DHX57: variants seen among roughly 807,000 people sequenced by gnomAD.
DHX57 encodes the protein putative ATP-dependent RNA helicase DHX57.
In DHX57, 105 loss-of-function variants were observed where a neutral mutation model predicts 156.2. That is an observed-to-expected ratio of 0.67 (90% CI 0.57 to 0.79). DHX57 has a LOEUF of 0.79. Among genes scored for constraint, DHX57 ranks in the 30% least tolerant of loss-of-function variants. The pLI is 0.00. For synonymous variants in DHX57, 704 were observed against 595.6 expected, an observed-to-expected ratio of 1.18 and a Z score of -2.65; for missense variants, 1,847 against 1,661.9, an observed-to-expected ratio of 1.11 and a Z score of -1.94.
At chr2:38,838,219 C>T (rs1352983108) in intron 12 of DHX57, among the ~76,000 whole-genome samples, 1 of 152,178 alleles carries the variant, frequency 6.6e-6, no homozygotes, top group African/African-American at 2.4e-5. Context: ...CGATCTCAGC[C>T]TCCTGAGAGG....
chr2:38,832,433 T>A (rs1671430066), intron 13 of DHX57, among the ~76,000 whole-genome samples: 2 of 151,510 alleles, frequency 1.3e-5, no homozygotes, highest in Admixed American at 6.6e-5. Flanking sequence ...AGAGACTCTG[T>A]CTCAAAAAAA....
chr2:38,807,329 C>T (rs1669996392), intron 21 of DHX57, among the ~76,000 whole-genome samples: 1 of 152,012 alleles, frequency 6.6e-6, no homozygotes, highest in East Asian at 1.9e-4. Context: ...TGCTGGATTA[C>T]AGGCGTGAGC....
At chr2:38,830,993 A>C (rs1671350050) in intron 13 of DHX57, among the ~76,000 whole-genome samples, 1 of 152,096 alleles carries the variant, frequency 6.6e-6, no homozygotes, top group Admixed American at 6.6e-5. Context: ...TGCTTAAGCC[A>C]GGAAGTTGGG....
chr2:38,838,912 G>A (rs1671831088), intron 12 of DHX57: 1 of 283,500 alleles, frequency 3.5e-6, no homozygotes, highest in Non-Finnish European at 7.0e-6. Flanking sequence ...TGTACTACAA[G>A]CCTCGGCTCT....
intron 1 of DHX57, among the ~76,000 whole-genome samples, chr2:38,870,313 A>G (rs1258820157): frequency 1.3e-5 from 2 of 152,254 alleles, no homozygotes; most frequent in African/African-American, 2.4e-5. Context: ...AAATAATGGT[A>G]GAAAACTTCT....
intron 16 of DHX57, among the ~76,000 whole-genome samples, chr2:38,825,396 G>A (rs771707522): frequency 6.6e-6 from 1 of 152,126 alleles, no homozygotes; most frequent in African/African-American, 2.4e-5. Context: ...TCTGCCTCCT[G>A]GGTTCAAGAG....
intron 16 of DHX57, among the ~76,000 whole-genome samples, chr2:38,825,577 A>AT (rs1457787046): frequency 1.3e-5 from 2 of 152,212 alleles, no homozygotes; most frequent in Admixed American, 1.3e-4. Flanking sequence ...TGCTGGGATT[A>AT]TAAGCATGAG....
At chr2:38,840,565 G>GT (rs967243751) in intron 12 of DHX57, among the ~76,000 whole-genome samples, 2 of 118,272 alleles carry the variant, frequency 1.7e-5, no homozygotes, top group Non-Finnish European at 3.7e-5. Flanking sequence ...AAGGACTTTT[G>GT]TTTTTTTTAA....
chr2:38,803,615 G>A (rs1451917554), intron 22 of DHX57, among the ~76,000 whole-genome samples: 1 of 151,400 alleles, frequency 6.6e-6, no homozygotes, highest in Non-Finnish European at 1.5e-5. Flanking sequence ...AGCCTCCCAA[G>A]TAGCTGGGAT....
At position 38,848,276 on chromosome 2, in the gene DHX57, AG is replaced by A. The variant is rs1672393498; in HGVS notation, c.2156del (p.Thr719IlefsTer20). 1 of 1,594,564 alleles carries A rather than the reference AG, an allele frequency of 6.3e-7. No homozygotes were observed. The highest frequency in any genetic ancestry group is 8.5e-7 in the Non-Finnish European group (1 of 1,173,962). On this transcript the variant is annotated frameshift_variant, in exon 10 of 24. Transcript: ENST00000457308. LOFTEE classifies it high-confidence loss of function. The stretch of plus-strand genomic sequence containing the variant: ...ATGATGCATTTTATTCACCTGGTAT[AG>A]TAATAACGGGGCAGGAATTAAAATA... Reference protein sequence around the residue: ...SDYFNSCPVITIPGRTFPVDQ... With the variant: ...SDYFNSCPVIXIPGRTFPVDQ...
Position 38,837,917 on chromosome 2 carries a change from G to A in DHX57, c.2456C>T (p.Ser819Phe), listed in dbSNP as rs1671767427. The A allele has an allele frequency of 6.2e-7, 1 of 1,613,414 alleles. No individual in the cohort carries two copies. Among genetic ancestry groups the A allele is most frequent in the South Asian group, 1.1e-5 (1 of 91,054 alleles). ...GVSKSVIKTM[S>F]IMDFEKVNLE... Reference sequence around the variant, plus strand: ...ATTCACCTTTTCAAAATCCATGATGGACATTGTTTTGATGACTGACTTGCT... The same window carrying A: ...ATTCACCTTTTCAAAATCCATGATGAACATTGTTTTGATGACTGACTTGCT... Residue 819 changes from serine (S) to phenylalanine (F), a missense_variant, in exon 13 of 24, where the codon TCC becomes TTC. Transcript: ENST00000457308.
intron 16 of DHX57, 29 bp downstream of exon 16, chr2:38,825,818 G>A (rs1293571502): frequency 5.6e-6 from 9 of 1,610,252 alleles, no homozygotes; most frequent in Admixed American, 1.7e-5. Flanking sequence ...AGACCTTTTG[G>A]AAGCAAAACA....
chr2:38,821,890 A>G (rs1670833825), intron 17 of DHX57, among the ~76,000 whole-genome samples: 1 of 152,326 alleles, frequency 6.6e-6, no homozygotes, highest in African/African-American at 2.4e-5. Context: ...AATAAATTAG[A>G]TAAGTTAGAC....
intron 21 of DHX57, among the ~76,000 whole-genome samples, chr2:38,806,994 G>A (rs960379383): frequency 5.9e-5 from 9 of 151,466 alleles, no homozygotes; most frequent in African/African-American, 2.2e-4. Context: ...ATCAGGTGCA[G>A]TGACCCAGCT....
At chr2:38,847,909 C>T (rs1453694940) in intron 10 of DHX57, among the ~76,000 whole-genome samples, 3 of 152,034 alleles carry the variant, frequency 2.0e-5, no homozygotes, top group Non-Finnish European at 1.5e-5. Flanking sequence ...CAGTGAAACC[C>T]CGTCTCTACT....
At chr2:38,854,984 C>G (rs1558396496) in intron 8 of DHX57, 73 bp downstream of exon 8, 11 of 1,553,472 alleles carry the variant, frequency 7.1e-6, no homozygotes, top group African/African-American at 1.4e-5. Flanking sequence ...CCATGAATCT[C>G]CTAACCCCCA....
Position 38,843,165 on chromosome 2 carries a change from C to T in DHX57, c.2265G>A (p.Gln755=), listed in dbSNP as rs543662055. 1.2e-6 allele frequency: 2 copies of T among 1,614,174 alleles called. No homozygotes were observed. The highest frequency in any genetic ancestry group is 2.7e-5 in the African/African-American group (2 of 75,056). The change falls in exon 12 of 24, where the codon CAG becomes CAA. Residue 755 remains glutamine (Q), a synonymous_variant. Coordinates refer to ENST00000457308, the MANE Select transcript of DHX57 (RefSeq NM_198963.3). ...DGSPYMRSMK[Q]ISKEKLKARR... is the part of the protein sequence containing the mutation. Reference sequence around the variant, plus strand: ...TTGCTTTAAGCTTTTCCTTTGAAATCTGTTTCATGGACCGCATATATGGGC... The same window carrying T: ...TTGCTTTAAGCTTTTCCTTTGAAATTTGTTTCATGGACCGCATATATGGGC...
At chr2:38,832,377 T>C (rs1372939786) in intron 13 of DHX57, among the ~76,000 whole-genome samples, 1 of 151,806 alleles carries the variant, frequency 6.6e-6, no homozygotes, top group Non-Finnish European at 1.5e-5. Flanking sequence ...GAGGCGGAAG[T>C]TGCAGAGCCG....
chr2:38,845,706 G>C lies in DHX57; in HGVS notation c.2219+1313C>G, dbSNP rs183792741. On this transcript the variant is annotated intron_variant, in intron 11 of 23. Transcript: ENST00000457308. ...AATCCTCAAGATCAGAGACTAAGAAGAGAAAGTAGGGCTTTCAAAGAAGAG... is the reference window on the plus strand; with the variant it reads ...AATCCTCAAGATCAGAGACTAAGAACAGAAAGTAGGGCTTTCAAAGAAGAG... 9.4e-3 allele frequency among the ~76,000 whole-genome samples: 1,427 copies of C among 152,096 alleles called. 11 individuals carry two copies. Among genetic ancestry groups the C allele is most frequent in the South Asian group, 0.026 (127 of 4,810 alleles).
Sources: gnomAD v4.1 joint callset for allele counts (sites outside exome capture counted in the v4.1 genomes callset) on GRCh38, gnomAD v4.1.1 for gene constraint, MANE v1.5 for transcripts, NCBI Gene and HGNC (gene_info 2026-07-23, HGNC 2026-07-21) for gene names.